PDE1C: variants seen among roughly 807,000 people sequenced by gnomAD.
PDE1C encodes phosphodiesterase 1C.
Under a neutral mutation model 93.1 loss-of-function variants are expected in PDE1C, and 62 were observed. The ratio of observed to expected loss-of-function variants is 0.67; its 90% CI spans 0.54 to 0.82. PDE1C has a LOEUF of 0.82. PDE1C is among the 40% of genes least tolerant of loss of function. The probability of loss-of-function intolerance (pLI) is 0.00; values close to 1 mark genes in which losing one functional copy is unlikely to be tolerated. For synonymous variants in PDE1C, 325 were observed against 310.1 expected, an observed-to-expected ratio of 1.05 and a Z score of -0.50; for missense variants, 742 against 884.6, an observed-to-expected ratio of 0.84 and a Z score of 2.04.
intron 2 of PDE1C, among the ~76,000 whole-genome samples, chr7:31,890,659 A>G (rs1798507545): frequency 6.6e-6 from 1 of 152,256 alleles, no homozygotes; most frequent in African/African-American, 2.4e-5. Context: ...TTGGTAAGAT[A>G]AACCTAAGGT....
At chr7:31,819,683 T>TTCTA (rs1323248888) in intron 14 of PDE1C, among the ~76,000 whole-genome samples, 1 of 152,114 alleles carries the variant, frequency 6.6e-6, no homozygotes, top group Non-Finnish European at 1.5e-5. Flanking sequence ...GGAGAGCCAG[T>TTCTA]TCTACCCCAC....
Position 32,407,200 on chromosome 7 carries a change from G to A in PDE1C, c.310+20622C>T, listed in dbSNP as rs564570099. ...TGAGGCAAGAGAATCACTTGAACCC[G>A]GGAAGCAGAGGTTGCAGTGAGCCGA... On this transcript the variant is annotated intron_variant, in intron 1 of 1. Transcript: ENST00000672256. Among the ~76,000 whole-genome samples, 267 of 152,186 alleles carry A rather than the reference G, an allele frequency of 1.8e-3. 1 individual carries two copies. Among genetic ancestry groups the A allele is most frequent in the African/African-American group, 5.9e-3 (245 of 41,528 alleles).
the PDE1C span, among the ~76,000 whole-genome samples, chr7:31,682,945 G>A: frequency 6.6e-6 from 1 of 152,146 alleles, no homozygotes; most frequent in Non-Finnish European, 1.5e-5. Flanking sequence ...GATAGAGAGA[G>A]AGGACAGATT....
At chr7:32,280,740 TGCTTTGG>T (rs1296851974) in intron 1 of PDE1C, among the ~76,000 whole-genome samples, 2 of 152,184 alleles carry the variant, frequency 1.3e-5, no homozygotes, top group Non-Finnish European at 2.9e-5. Context: ...GCGAAGTTGT[TGCTTTGG>T]GAAGCTGAGG....
chr7:31,631,430 A>G, the PDE1C span, among the ~76,000 whole-genome samples: 3 of 152,232 alleles, frequency 2.0e-5, no homozygotes, highest in Non-Finnish European at 4.4e-5. Flanking sequence ...TGCCCTAAAT[A>G]CATAGAAAGA....
At chr7:31,738,257 T>C in the PDE1C span, among the ~76,000 whole-genome samples, 1 of 152,170 alleles carries the variant, frequency 6.6e-6, no homozygotes, top group African/African-American at 2.4e-5. Context: ...AATAAAGATA[T>C]ACCTGAGACT....
At chr7:32,364,915 C>T (rs1249052818) in intron 1 of PDE1C, among the ~76,000 whole-genome samples, 2 of 152,222 alleles carry the variant, frequency 1.3e-5, no homozygotes, top group Non-Finnish European at 2.9e-5. Flanking sequence ...ATTCCCATTA[C>T]CCTTGCTTCT....
intron 3 of PDE1C, among the ~76,000 whole-genome samples, chr7:32,088,518 A>T (rs1211476625): frequency 6.6e-6 from 1 of 152,258 alleles, no homozygotes; most frequent in Non-Finnish European, 1.5e-5. Flanking sequence ...GGAGCCCTGC[A>T]GTGGTGAGGA....
At chr7:32,032,419 G>T (rs1347020091) in intron 2 of PDE1C, among the ~76,000 whole-genome samples, 1 of 152,166 alleles carries the variant, frequency 6.6e-6, no homozygotes, top group African/African-American at 2.4e-5. Context: ...TGCCACTGGG[G>T]CATACCCTGC....
At chr7:31,924,717 G>A (rs976593825) in intron 2 of PDE1C, among the ~76,000 whole-genome samples, 1 of 152,184 alleles carries the variant, frequency 6.6e-6, no homozygotes, top group African/African-American at 2.4e-5. Flanking sequence ...AAGTAAATGG[G>A]CACTGGCCCA....
intron 1 of PDE1C, among the ~76,000 whole-genome samples, chr7:32,240,210 G>T (rs1808441332): frequency 6.6e-6 from 1 of 152,118 alleles, no homozygotes; most frequent in Admixed American, 6.6e-5. Flanking sequence ...ATTATTCACT[G>T]TACTTTGTGG....
At chr7:32,206,444 G>T (rs10257546) in intron 2 of PDE1C, among the ~76,000 whole-genome samples, 51,688 of 151,898 alleles carry the variant, frequency 0.34, 9,390 homozygotes, top group Admixed American at 0.46. Context: ...GGTTTTTAGG[G>T]CCTGGCACTG....
At chr7:32,145,890 T>C (rs1043116441) in intron 3 of PDE1C, among the ~76,000 whole-genome samples, 6 of 152,160 alleles carry the variant, frequency 3.9e-5, no homozygotes, top group Non-Finnish European at 7.3e-5. Context: ...TTTTCCACTT[T>C]GTTTTTGTGC....
chr7:31,853,263 T>A (rs1157286265), intron 7 of PDE1C, among the ~76,000 whole-genome samples: 1 of 152,224 alleles, frequency 6.6e-6, no homozygotes, highest in Non-Finnish European at 1.5e-5. Context: ...AAACTCATTT[T>A]ACCACCTTAG....
intron 2 of PDE1C, among the ~76,000 whole-genome samples, chr7:32,206,640 C>G (rs542950247): frequency 6.6e-6 from 1 of 152,164 alleles, no homozygotes; most frequent in Non-Finnish European, 1.5e-5. Flanking sequence ...GGCTACGATG[C>G]GGTACCCACA....
intron 1 of PDE1C, among the ~76,000 whole-genome samples, chr7:32,230,421 T>G (rs140992718): frequency 8.3e-4 from 126 of 152,226 alleles, no homozygotes; most frequent in African/African-American, 2.8e-3. Context: ...TAACAGCCCC[T>G]TCCAGACTCC....
At chr7:31,758,419 T>G (rs1308432992) in intron 17 of PDE1C, among the ~76,000 whole-genome samples, 1 of 152,222 alleles carries the variant, frequency 6.6e-6, no homozygotes, top group East Asian at 1.9e-4. Flanking sequence ...TTCACCCACT[T>G]CTTAGAGTAC....
chr7:31,971,577 T>G (rs1810967259), intron 2 of PDE1C, among the ~76,000 whole-genome samples: 1 of 152,178 alleles, frequency 6.6e-6, no homozygotes, highest in African/African-American at 2.4e-5. Context: ...TCAGTCTGCA[T>G]CTACACCCAC....
intron 17 of PDE1C, among the ~76,000 whole-genome samples, chr7:31,775,287 C>A (rs2128629624): frequency 6.6e-6 from 1 of 152,272 alleles, no homozygotes; most frequent in East Asian, 1.9e-4. Flanking sequence ...CATGTGAGGG[C>A]ACACAATTTG....
Sources: allele counts gnomAD v4.1 joint callset (sites outside exome capture counted in the v4.1 genomes callset), GRCh38; gene constraint gnomAD v4.1.1; transcripts MANE v1.5; gene names NCBI Gene and HGNC (gene_info 2026-07-23, HGNC 2026-07-21).